Variants in FUT9 observed in about 807,000 individuals in gnomAD.
The protein encoded by FUT9 is fucosyltransferase 9.
Under a neutral mutation model 29.7 loss-of-function variants are expected in FUT9, and 15 were observed. The ratio of observed to expected loss-of-function variants is 0.51; its 90% CI spans 0.34 to 0.78. The LOEUF (loss-of-function observed/expected upper bound fraction) is 0.78, where lower values mean the gene tolerates loss of function less well. Ranked by LOEUF, FUT9 falls within the 30% of genes least tolerant of loss-of-function variation. FUT9 has a pLI of 0.01. For synonymous variants in FUT9, 169 were observed against 153.7 expected, an observed-to-expected ratio of 1.10 and a Z score of -0.74; for missense variants, 319 against 425.4, an observed-to-expected ratio of 0.75 and a Z score of 2.20.
chr6:96,018,176 A>G (rs1028820926), intron 1 of FUT9, among the ~76,000 whole-genome samples: 4 of 147,568 alleles, frequency 2.7e-5, no homozygotes, highest in African/African-American at 8.0e-5. Context: ...GAGAACATTC[A>G]AAGCTGTTCT....
At position 96,128,230 on chromosome 6, in the gene FUT9, A is replaced by T. The variant is rs1772168738; in HGVS notation, c.-9+14103A>T. Among the ~76,000 whole-genome samples the T allele has an allele frequency of 2.0e-5, 3 of 152,160 alleles. No homozygotes were observed. In the South Asian group the frequency reaches 6.2e-4, roughly 31 times the overall value. ...TTTAAATTTAAAAATCTGGGAGAAA[A>T]TGTTCCCCCCAAAATTAGACAAAGG... On this transcript the variant is annotated intron_variant, in intron 2 of 2. Coordinates refer to ENST00000302103, the MANE Select transcript of FUT9 (RefSeq NM_006581.4).
intron 1 of FUT9, among the ~76,000 whole-genome samples, chr6:96,048,928 G>A (rs1041680147): frequency 6.6e-6 from 1 of 151,976 alleles, no homozygotes; most frequent in Non-Finnish European, 1.5e-5. Flanking sequence ...CTTCTACTTG[G>A]GTAACCTTCA....
intron 1 of FUT9, among the ~76,000 whole-genome samples, chr6:96,034,086 G>A (rs958711246): frequency 6.6e-6 from 1 of 151,416 alleles, no homozygotes; most frequent in Non-Finnish European, 1.5e-5. Flanking sequence ...GGGTCAAACT[G>A]ACTTCCCATT....
intron 2 of FUT9, among the ~76,000 whole-genome samples, chr6:96,198,631 C>T (rs1256464310): frequency 1.3e-5 from 2 of 152,050 alleles, no homozygotes; most frequent in African/African-American, 4.8e-5. Flanking sequence ...GGGTATATAC[C>T]CAGTAATGCG....
intron 2 of FUT9, among the ~76,000 whole-genome samples, chr6:96,125,163 A>T (rs1336924193): frequency 1.3e-5 from 2 of 152,214 alleles, no homozygotes; most frequent in South Asian, 2.1e-4. Context: ...ATGTATAGAA[A>T]ACATATAAAT....
In FUT9 at chr6:96,154,464, T is replaced by C. The variant is rs558947766; in HGVS notation, c.-9+40337T>C. ...ATTATAAGGCATAAAAGTAAACATG[T>C]TTTTACTTTTTTGTAAAGTAAGATT... is the stretch of plus-strand genomic sequence containing the variant. On this transcript the variant is annotated intron_variant, in intron 2 of 2. Coordinates refer to ENST00000302103, the MANE Select transcript of FUT9 (RefSeq NM_006581.4). 9.8e-5 allele frequency among the ~76,000 whole-genome samples: 15 copies of C among 152,332 alleles called. No homozygotes were observed. In the South Asian group the frequency reaches 1.9e-3, roughly 19 times the overall value.
At chr6:96,173,511 G>A (rs1773150473) in intron 2 of FUT9, among the ~76,000 whole-genome samples, 1 of 151,958 alleles carries the variant, frequency 6.6e-6, no homozygotes, top group South Asian at 2.1e-4. Context: ...CTCTTCCATG[G>A]CAAGAATTGG....
At chr6:96,153,413 A>G (rs1772718760) in intron 2 of FUT9, among the ~76,000 whole-genome samples, 1 of 152,188 alleles carries the variant, frequency 6.6e-6, no homozygotes. Flanking sequence ...TTTGGGGGAT[A>G]TTGGAAAAAC....
At chr6:96,192,679 C>A (rs1451162011) in intron 2 of FUT9, among the ~76,000 whole-genome samples, 1 of 152,054 alleles carries the variant, frequency 6.6e-6, no homozygotes, top group Non-Finnish European at 1.5e-5. Context: ...CAATGACTTT[C>A]TTCACAGAGT....
At chr6:96,153,056 T>C (rs1171209577) in intron 2 of FUT9, among the ~76,000 whole-genome samples, 1 of 152,168 alleles carries the variant, frequency 6.6e-6, no homozygotes, top group African/African-American at 2.4e-5. Flanking sequence ...GTAATTCTTC[T>C]CATCAGTAAA....
intron 2 of FUT9, among the ~76,000 whole-genome samples, chr6:96,147,077 A>C (rs1318328082): frequency 6.6e-6 from 1 of 152,146 alleles, no homozygotes; most frequent in Non-Finnish European, 1.5e-5. Flanking sequence ...CACATACAGG[A>C]TAAAGCAACT....
At chr6:96,174,983 G>A (rs192585842) in intron 2 of FUT9, among the ~76,000 whole-genome samples, 58 of 152,146 alleles carry the variant, frequency 3.8e-4, no homozygotes, top group African/African-American at 1.4e-3. Flanking sequence ...ACTTCAAAAA[G>A]TTTCAGGATC....
intron 1 of FUT9, among the ~76,000 whole-genome samples, chr6:96,065,393 A>G (rs1770945359): frequency 6.6e-6 from 1 of 152,118 alleles, no homozygotes; most frequent in African/African-American, 2.4e-5. Context: ...TCCTGTAGCC[A>G]CAGGAGCAAG....
intron 2 of FUT9, among the ~76,000 whole-genome samples, chr6:96,137,043 T>C (rs975766214): frequency 6.6e-6 from 1 of 152,022 alleles, no homozygotes; most frequent in Non-Finnish European, 1.5e-5. Context: ...TCCATATACA[T>C]ATCAAATAAA....
intron 1 of FUT9, among the ~76,000 whole-genome samples, chr6:96,070,494 T>C (rs1469949758): frequency 3.1e-4 from 47 of 152,048 alleles, no homozygotes. Flanking sequence ...GAGACCAGCC[T>C]GGGCAACACG....
intron 2 of FUT9, among the ~76,000 whole-genome samples, chr6:96,163,948 A>G (rs1032114943): frequency 9.9e-5 from 15 of 152,212 alleles, no homozygotes; most frequent in Admixed American, 2.6e-4. Context: ...GCCAAGGTTA[A>G]TAACATGCCT....
intron 2 of FUT9, among the ~76,000 whole-genome samples, chr6:96,151,919 A>G (rs1015705636): frequency 6.6e-6 from 1 of 152,178 alleles, no homozygotes; most frequent in African/African-American, 2.4e-5. Flanking sequence ...AACAATAGCA[A>G]TCTTGAAGAA....
chr6:96,096,205 C>A (rs140083048), intron 1 of FUT9, among the ~76,000 whole-genome samples: 1 of 152,046 alleles, frequency 6.6e-6, no homozygotes, highest in Admixed American at 6.6e-5. Flanking sequence ...CAAAAAGACT[C>A]GGATGCTTCC....
intron 1 of FUT9, among the ~76,000 whole-genome samples, chr6:96,042,616 T>A (rs1174854549): frequency 2.0e-5 from 3 of 152,198 alleles, no homozygotes; most frequent in Admixed American, 2.0e-4. Flanking sequence ...GCTGTTTTTT[T>A]TAGTTATTTA....
Sources: gnomAD v4.1 joint callset for allele counts (sites outside exome capture counted in the v4.1 genomes callset) on GRCh38, gnomAD v4.1.1 for gene constraint, MANE v1.5 for transcripts, NCBI Gene and HGNC (gene_info 2026-07-23, HGNC 2026-07-21) for gene names.